The following UPF1 variants were observed in gnomAD, a reference collection of about 807,000 sequenced individuals.
UPF1 encodes regulator of nonsense transcripts 1.
UPF1 carries 9 observed loss-of-function variants against 129.2 expected under a neutral mutation model. That is an observed-to-expected ratio of 0.07 (90% CI 0.04 to 0.12). The LOEUF (loss-of-function observed/expected upper bound fraction) is 0.12. Ranked by LOEUF, UPF1 falls within the 10% of genes least tolerant of loss-of-function variation. UPF1 has a pLI of 1.00. For missense variants in UPF1, 788 were observed against 1,525.3 expected (o/e 0.52, Z 8.05); for synonymous variants, 649 against 644.9 (o/e 1.01, Z -0.10).
Position 18,853,174 on chromosome 19 carries a change from C to A in UPF1, c.1058-78C>A. ...TTCCTAGTTCCACCCTTGTAAAGTG[C>A]CCCTTAATTTGAACTCTCCCTGGTG... On this transcript the variant is annotated intron_variant, in intron 7 of 23. Coordinates refer to ENST00000262803, the MANE Select transcript of UPF1 (RefSeq NM_002911.4). This position sits in a 1 kb window ranked among gnomAD's most constrained non-coding sequence, Gnocchi z 4.4. The A allele has an allele frequency of 6.3e-7, 1 of 1,591,158 alleles. No individual in the cohort carries two copies. Among genetic ancestry groups the A allele is most frequent in the Non-Finnish European group, 8.6e-7 (1 of 1,164,074 alleles).
intron 1 of UPF1, among the ~76,000 whole-genome samples, chr19:18,842,728 A>G (rs1243753841): frequency 2.0e-5 from 3 of 151,902 alleles, no homozygotes; most frequent in Non-Finnish European, 2.9e-5. Context: ...TGCTGGGTGC[A>G]GTGGCTCACA....
chr19:18,859,949 A>G (rs2145965286), intron 15 of UPF1: 1 of 185,404 alleles, frequency 5.4e-6, no homozygotes, highest in Middle Eastern at 2.4e-3. Context: ...TGTCACACAC[A>G]AGTCAGTTGT....
chr19:18,849,381 G>C, intron 3 of UPF1: 2 of 153,610 alleles, frequency 1.3e-5, no homozygotes, highest in Admixed American at 1.3e-4. Context: ...TGTTAGATAC[G>C]GCAGATAGGT....
intron 1 of UPF1, among the ~76,000 whole-genome samples, chr19:18,843,373 G>T (rs750113149): frequency 1.3e-5 from 2 of 152,346 alleles, no homozygotes; most frequent in Non-Finnish European, 2.9e-5. Context: ...CAGGTGCAAG[G>T]CCTGGGTGCT....
intron 23 of UPF1, 51 bp from the exon 24 acceptor site, chr19:18,866,470 G>T (rs1052733342): frequency 9.0e-6 from 3 of 332,886 alleles, no homozygotes; most frequent in Non-Finnish European, 1.6e-5. Flanking sequence ...GGTACCTGTG[G>T]GGCTCAGGTC....
At chr19:18,841,811 C>T (rs115716577) in intron 1 of UPF1, among the ~76,000 whole-genome samples, 1,771 of 152,276 alleles carry the variant, frequency 0.012, 36 homozygotes, top group African/African-American at 0.04. Context: ...ATGAACCTCA[C>T]GCGGACTCTA....
intron 16 of UPF1, 118 bp from the exon 17 acceptor site, chr19:18,860,708 C>A: frequency 7.0e-7 from 1 of 1,425,536 alleles, no homozygotes; most frequent in Non-Finnish European, 9.4e-7. Context: ...GCTGTGCAAA[C>A]GCCAGTGATG....
At chr19:18,859,195 C>G (rs12460303) in intron 15 of UPF1, among the ~76,000 whole-genome samples, 16 of 152,214 alleles carry the variant, frequency 1.1e-4, no homozygotes, top group Admixed American at 1.0e-3. Flanking sequence ...AGGCGTGGCT[C>G]GGCGCAGGCT....
At chr19:18,833,527 C>T (rs1601089454) in intron 1 of UPF1, among the ~76,000 whole-genome samples, 1 of 144,258 alleles carries the variant, frequency 6.9e-6, no homozygotes, top group African/African-American at 2.6e-5. Flanking sequence ...CATGCATTTC[C>T]TGGTCCTGGG....
chr19:18,837,446 G>C (rs2055495289), intron 1 of UPF1, among the ~76,000 whole-genome samples: 1 of 152,220 alleles, frequency 6.6e-6, no homozygotes, highest in Non-Finnish European at 1.5e-5. Context: ...AGAGATGAAG[G>C]TGTGTGTACG....
Position 18,850,324 on chromosome 19 carries a change from G to T in UPF1, c.629+82G>T. On this transcript the variant is annotated intron_variant, in intron 4 of 23. Coordinates refer to ENST00000262803, the MANE Select transcript of UPF1 (RefSeq NM_002911.4). The surrounding 1 kb of genome is among the most constrained non-coding windows in gnomAD (Gnocchi z 7.1). The stretch of plus-strand genomic sequence containing the variant: ...ACAAGCCTTGGCCCAGCCCAGCCCA[G>T]CCGTGGCTCTAACTCCAGGGAGTTG... 1 of 1,495,754 alleles carries T rather than the reference G, an allele frequency of 6.7e-7. No homozygotes were observed. 92.7% of individuals were successfully genotyped at this position (1,495,754 alleles called of 1,614,324 possible). A position where few individuals can be genotyped will look rare whatever the true frequency, so the allele number is the denominator to read the frequency against.
In UPF1 at chr19:18,850,052, C is replaced by G; in HGVS notation, c.462-23C>G. 1 of 1,613,730 alleles carries G rather than the reference C, an allele frequency of 6.2e-7. No homozygotes were observed. Among genetic ancestry groups the G allele is most frequent in the Non-Finnish European group, 8.5e-7 (1 of 1,179,846 alleles). On this transcript the variant is annotated intron_variant, in intron 3 of 23. Coordinates refer to ENST00000262803, the MANE Select transcript of UPF1 (RefSeq NM_002911.4). The surrounding 1 kb of genome is among the most constrained non-coding windows in gnomAD (Gnocchi z 7.1). ...GAAAAGCCAAATTTTGGGTGTTAAC[C>G]GTTTATCATTTCCTGGTTTCAGCCA...
At position 18,853,158 on chromosome 19, in the gene UPF1, C is replaced by A; in HGVS notation, c.1057+87C>A. ...CCATAAGTAGCATAAATTCCTAGTT[C>A]CACCCTTGTAAAGTGCCCCTTAATT... On this transcript the variant is annotated intron_variant, in intron 7 of 23. Coordinates refer to ENST00000262803, the MANE Select transcript of UPF1 (RefSeq NM_002911.4). The surrounding 1 kb of genome is among the most constrained non-coding windows in gnomAD (Gnocchi z 4.4). 1 of 1,600,926 alleles carries A rather than the reference C, an allele frequency of 6.2e-7. No individual in the cohort carries two copies.
At position 18,853,287 on chromosome 19, in the gene UPF1, C is replaced by T. The variant is rs746623373; in HGVS notation, c.1093C>T (p.Arg365Trp). ...CATGCAGGGGGATGAGATATGCCTG[C>T]GGTACAAAGGGGACCTTGCGCCCCT... ...RLMQGDEICL[R>W]YKGDLAPLWK... Residue 365 changes from arginine to tryptophan, a missense_variant, in exon 8 of 24, where the codon CGG becomes TGG. Transcript: ENST00000262803. The surrounding 1 kb of genome is among the most constrained non-coding windows in gnomAD (Gnocchi z 4.4). 5.0e-6 allele frequency: 8 copies of T among 1,613,086 alleles called. No individual in the cohort carries two copies. Among genetic ancestry groups the T allele is most frequent in the Non-Finnish European group, 6.8e-6 (8 of 1,179,480 alleles).
At chr19:18,863,149 G>C in intron 18 of UPF1, 1 of 338,508 alleles carries the variant, frequency 3.0e-6, no homozygotes, top group Non-Finnish European at 5.5e-6. Context: ...CCGGTGCCTG[G>C]AAGGCCGACT....
At chr19:18,860,267 C>A in intron 15 of UPF1, 54 bp from the exon 16 acceptor site, 1 of 1,578,804 alleles carries the variant, frequency 6.3e-7, no homozygotes, top group Non-Finnish European at 8.7e-7. Context: ...TGTCTGAACT[C>A]ATTTGAGGCG....
At chr19:18,841,755 C>T (rs905295190) in intron 1 of UPF1, among the ~76,000 whole-genome samples, 2 of 152,036 alleles carry the variant, frequency 1.3e-5, no homozygotes, top group South Asian at 2.1e-4. Flanking sequence ...AAGGCAGGGG[C>T]GGCCTGAGGT....
At chr19:18,840,151 C>A (rs904514802) in intron 1 of UPF1, among the ~76,000 whole-genome samples, 1 of 151,994 alleles carries the variant, frequency 6.6e-6, no homozygotes, top group South Asian at 2.1e-4. Context: ...GCATTGTGGC[C>A]CAGGTTGGAC....
rs1352603829 is a variant in UPF1 at position 18,854,598 on chromosome 19, C to A, written c.1157-3C>A. 6.2e-7 allele frequency: 1 copy of A among 1,604,568 alleles called. No individual in the cohort carries two copies. Among genetic ancestry groups the A allele is most frequent in the Non-Finnish European group, 8.5e-7 (1 of 1,173,500 alleles). Reference sequence around the variant, plus strand: ...AAGGATGCAAACTTAACTCAGCACACAGATTATGGCGATGAGATCGCCATT... The same window carrying A: ...AAGGATGCAAACTTAACTCAGCACAAAGATTATGGCGATGAGATCGCCATT... On this transcript the variant is annotated splice_region_variant and splice_polypyrimidine_tract_variant and intron_variant, in intron 8 of 23. Coordinates refer to ENST00000262803, the MANE Select transcript of UPF1 (RefSeq NM_002911.4).
Sources: gnomAD v4.1 joint callset for allele counts (sites outside exome capture counted in the v4.1 genomes callset) on GRCh38, gnomAD v4.1.1 for gene constraint, Gnocchi (gnomAD v3.1) non-coding constraint, MANE v1.5 for transcripts, NCBI Gene and HGNC (gene_info 2026-07-23, HGNC 2026-07-21) for gene names.